MYO5B: variants seen among roughly 807,000 people sequenced by gnomAD.
The protein encoded by MYO5B is myosin VB.
In MYO5B, 143 loss-of-function variants were observed where a neutral mutation model predicts 229.3. The observed-to-expected ratio is 0.62, with a 90% CI of 0.54 to 0.72. The LOEUF (loss-of-function observed/expected upper bound fraction) is 0.72. MYO5B is among the 30% of genes least tolerant of loss of function. MYO5B has a pLI of 0.00. For missense variants in MYO5B, 2,321 were observed against 2,331.0 expected (o/e 1.00, Z 0.09); for synonymous variants, 918 against 885.2 (o/e 1.04, Z -0.66).
intron 1 of MYO5B, among the ~76,000 whole-genome samples, chr18:50,080,179 G>A (rs528564829): frequency 2.0e-5 from 3 of 152,260 alleles, no homozygotes; most frequent in Admixed American, 1.3e-4. Flanking sequence ...AAAAAGACAC[G>A]AGAGAAGGAA....
intron 1 of MYO5B, among the ~76,000 whole-genome samples, chr18:50,111,443 A>T (rs867533393): frequency 2.6e-5 from 4 of 152,316 alleles, no homozygotes; most frequent in Middle Eastern, 6.8e-3. Flanking sequence ...TAGGCAGAAA[A>T]ACAGATCCTT....
At chr18:50,139,582 G>A (rs1173277208) in intron 1 of MYO5B, among the ~76,000 whole-genome samples, 1 of 152,222 alleles carries the variant, frequency 6.6e-6, no homozygotes, top group Non-Finnish European at 1.5e-5. Context: ...AGCTCCTGGA[G>A]GACAGTGGTT....
chr18:50,018,747 T>C (rs2026243176), intron 4 of MYO5B, among the ~76,000 whole-genome samples: 1 of 152,176 alleles, frequency 6.6e-6, no homozygotes, highest in Non-Finnish European at 1.5e-5. Context: ...CTTCTTACGA[T>C]GATAAAGGGG....
chr18:49,993,192 T>C (rs1278587173), intron 5 of MYO5B, among the ~76,000 whole-genome samples: 1 of 152,106 alleles, frequency 6.6e-6, no homozygotes, highest in Non-Finnish European at 1.5e-5. Flanking sequence ...TTAATCCCTT[T>C]CACATGCTTA....
intron 26 of MYO5B, among the ~76,000 whole-genome samples, chr18:49,874,557 A>G (rs1024587502): frequency 5.3e-5 from 8 of 151,694 alleles, no homozygotes; most frequent in African/African-American, 1.5e-4. Context: ...GCTCAGGGGG[A>G]AAAAAAACAA....
Position 49,868,492 on chromosome 18 carries a change from C to A in MYO5B, c.3603+3675G>T, listed in dbSNP as rs139497397. ...ACTCTGAGTCAGTGGGTACCATCTCCTGATTTGAATCCAGCTCTGGCTGAT... is the reference window on the plus strand; with the variant it reads ...ACTCTGAGTCAGTGGGTACCATCTCATGATTTGAATCCAGCTCTGGCTGAT... On this transcript the variant is annotated intron_variant, in intron 27 of 39. Coordinates refer to ENST00000285039, the MANE Select transcript of MYO5B (RefSeq NM_001080467.3). 1.8e-3 allele frequency among the ~76,000 whole-genome samples: 281 copies of A among 152,324 alleles called. 2 individuals are homozygous for A. Among genetic ancestry groups the A allele is most frequent in the African/African-American group, 6.2e-3 (257 of 41,568 alleles).
At chr18:50,051,683 G>C (rs185858348) in intron 2 of MYO5B, among the ~76,000 whole-genome samples, 8 of 152,100 alleles carry the variant, frequency 5.3e-5, no homozygotes, top group Admixed American at 2.0e-4. Flanking sequence ...GGGAGAAAAA[G>C]GTATAAGATG....
At chr18:49,964,895 G>A (rs761256992) in intron 10 of MYO5B, among the ~76,000 whole-genome samples, 10 of 152,330 alleles carry the variant, frequency 6.6e-5, no homozygotes, top group South Asian at 2.1e-4. Flanking sequence ...GATATGCAGC[G>A]TAGTGGGCAG....
At chr18:49,913,575 G>A (rs116606849) in intron 17 of MYO5B, among the ~76,000 whole-genome samples, 466 of 152,162 alleles carry the variant, frequency 3.1e-3, no homozygotes, top group African/African-American at 0.011. Flanking sequence ...TACCCCTCAC[G>A]TGGAAGTAAT....
intron 28 of MYO5B, 60 bp downstream of exon 28, chr18:49,864,081 A>G (rs2024364548): frequency 1.3e-6 from 2 of 1,591,048 alleles, no homozygotes; most frequent in East Asian, 2.2e-5. Flanking sequence ...TTAAAAAAAC[A>G]CTAATCTACC....
chr18:50,182,851 G>A (rs2033091992), intron 1 of MYO5B, among the ~76,000 whole-genome samples: 2 of 152,106 alleles, frequency 1.3e-5, no homozygotes, highest in South Asian at 4.1e-4. Context: ...GGGTTGGGGG[G>A]TTGTAGGTAA....
At chr18:50,117,313 A>G (rs2031980951) in intron 1 of MYO5B, among the ~76,000 whole-genome samples, 2 of 152,030 alleles carry the variant, frequency 1.3e-5, no homozygotes, top group African/African-American at 4.8e-5. Context: ...TCCAAACTCT[A>G]TGGGTTTATT....
chr18:50,124,845 T>C (rs2032131332), intron 1 of MYO5B, among the ~76,000 whole-genome samples: 1 of 152,172 alleles, frequency 6.6e-6, no homozygotes, highest in African/African-American at 2.4e-5. Context: ...CAGTCTTTCT[T>C]AATAAACTGC....
intron 4 of MYO5B, among the ~76,000 whole-genome samples, chr18:50,019,858 T>C (rs1320764192): frequency 2.0e-5 from 3 of 152,176 alleles, no homozygotes; most frequent in Non-Finnish European, 4.4e-5. Context: ...CTTCCAGCTG[T>C]CAAGGTCTCT....
At position 49,874,556 on chromosome 18, in the gene MYO5B, GA is replaced by G. The variant is rs533941189; in HGVS notation, c.3537+1130del. Among the ~76,000 whole-genome samples the G allele has an allele frequency of 1.3e-3, 198 of 151,886 alleles. 2 individuals carry two copies. The highest frequency in any genetic ancestry group is 4.2e-3 in the African/African-American group (175 of 41,452). On this transcript the variant is annotated intron_variant, in intron 26 of 39. Coordinates refer to ENST00000285039, the MANE Select transcript of MYO5B (RefSeq NM_001080467.3). The stretch of plus-strand genomic sequence containing the variant: ...TACCTCCCCACTTACTGCTCAGGGG[GA>G]AAAAAAACAAGAATTTGCCAGCAAT...
chr18:50,077,167 G>GT (rs1555656765), intron 1 of MYO5B, among the ~76,000 whole-genome samples: 881 of 26,562 alleles, frequency 0.033, 10 homozygotes, highest in Non-Finnish European at 0.049. Context: ...TTGTGGCAAA[G>GT]TAAAAAAAAA....
chr18:50,139,429 A>C lies in MYO5B; in HGVS notation c.27+55338T>G, dbSNP rs1050835705. 2.0e-5 allele frequency among the ~76,000 whole-genome samples: 3 copies of C among 152,230 alleles called. No homozygotes were observed. In the East Asian group the frequency reaches 5.8e-4, roughly 29 times the overall value. On this transcript the variant is annotated intron_variant, in intron 1 of 39. Coordinates refer to ENST00000285039, the MANE Select transcript of MYO5B (RefSeq NM_001080467.3). ...TTCCCAACTTTACTTCTGTTCCAAC[A>C]ACTAAGAAATTCTAAGTAACTCCTT...
chr18:50,085,736 T>TA (rs1305030885), intron 1 of MYO5B, among the ~76,000 whole-genome samples: 1 of 152,052 alleles, frequency 6.6e-6, no homozygotes, highest in South Asian at 2.1e-4. Flanking sequence ...TATGCAGCCA[T>TA]AAAAAATGAT....
chr18:50,041,019 A>G (rs993964484), intron 2 of MYO5B, among the ~76,000 whole-genome samples: 24 of 152,342 alleles, frequency 1.6e-4, no homozygotes, highest in African/African-American at 5.8e-4. Context: ...ACACATGTAC[A>G]TCTAACACAG....
Sources: allele counts gnomAD v4.1 joint callset (sites outside exome capture counted in the v4.1 genomes callset), GRCh38; gene constraint gnomAD v4.1.1; transcripts MANE v1.5; gene names NCBI Gene and HGNC (gene_info 2026-07-23, HGNC 2026-07-21).